The following MRM1 variants were observed in gnomAD, a reference collection of about 807,000 sequenced individuals.
The protein encoded by MRM1 is rRNA methyltransferase 1, mitochondrial.
Under a neutral mutation model 25.0 loss-of-function variants are expected in MRM1, and 24 were observed. The ratio of observed to expected loss-of-function variants is 0.96; its 90% CI spans 0.69 to 1.35. The LOEUF (loss-of-function observed/expected upper bound fraction) is 1.35. MRM1 is among the 40% of genes most tolerant of loss of function. The pLI is 0.00. For synonymous variants in MRM1, 188 were observed against 199.2 expected (o/e 0.94, Z 0.47); for missense variants, 431 against 464.1 (o/e 0.93, Z 0.65).
chr17:36,613,325 A>G (rs796319798), downstream of MRM1, among the ~76,000 whole-genome samples: 21 of 152,268 alleles, frequency 1.4e-4, no homozygotes, highest in African/African-American at 5.1e-4. Flanking sequence ...GGATCCCCAC[A>G]GTTTGTAAAT....
the MRM1 span, among the ~76,000 whole-genome samples, chr17:36,632,759 G>T: frequency 4.6e-5 from 7 of 152,154 alleles, no homozygotes; most frequent in Admixed American, 3.9e-4. Flanking sequence ...GACGAAAAGA[G>T]CTTTTCTGGC....
Position 36,608,347 on chromosome 17 carries a change from G to GGGCTCAGCAT in MRM1, c.1004_1013dup (p.Pro339GlyfsTer17). ...CCAAGAACCCTCAGCCAGGTCTGAA[G>GGGCTCAGCAT]GGCTCAGCATGGCTCAGCACCCAGG... On this transcript the variant is annotated frameshift_variant, in exon 5 of 5. Coordinates refer to ENST00000614766, the MANE Select transcript of MRM1 (RefSeq NM_024864.5). LOFTEE classifies it low-confidence loss of function (END_TRUNC). 6.2e-7 allele frequency: 1 copy of GGGCTCAGCAT among 1,611,536 alleles called. No homozygotes were observed. Among genetic ancestry groups the GGGCTCAGCAT allele is most frequent in the Non-Finnish European group, 8.5e-7 (1 of 1,178,864 alleles).
At chr17:36,626,977 C>T in the MRM1 span, among the ~76,000 whole-genome samples, 1 of 152,248 alleles carries the variant, frequency 6.6e-6, no homozygotes, top group South Asian at 2.1e-4. Flanking sequence ...CAAATCCCCA[C>T]ATGCTGCGCA....
the MRM1 span, among the ~76,000 whole-genome samples, chr17:36,614,221 G>A: frequency 6.6e-6 from 1 of 152,068 alleles, no homozygotes; most frequent in Non-Finnish European, 1.5e-5. Flanking sequence ...GCTGCGTAGG[G>A]GGAGGTGTCA....
chr17:36,614,243 C>T, the MRM1 span, among the ~76,000 whole-genome samples: 2 of 152,056 alleles, frequency 1.3e-5, no homozygotes, highest in East Asian at 1.9e-4. Context: ...ATTGGAATCA[C>T]TCCTGGGTCT....
chr17:36,622,209 G>T, the MRM1 span, among the ~76,000 whole-genome samples: 3 of 152,146 alleles, frequency 2.0e-5, no homozygotes, highest in Non-Finnish European at 2.9e-5. Flanking sequence ...GCCCCCTCCT[G>T]TCCCTATGGA....
At chr17:36,607,359 G>A (rs1408567535) in intron 2 of MRM1, among the ~76,000 whole-genome samples, 1 of 152,042 alleles carries the variant, frequency 6.6e-6, no homozygotes, top group Non-Finnish European at 1.5e-5. Flanking sequence ...GGTGGCTGAC[G>A]CTTGTAATCC....
At chr17:36,624,432 G>T in the MRM1 span, among the ~76,000 whole-genome samples, 2 of 152,224 alleles carry the variant, frequency 1.3e-5, no homozygotes, top group African/African-American at 4.8e-5. The surrounding 1 kb of genome is among the most constrained non-coding windows in gnomAD (Gnocchi z 4.0). Flanking sequence ...TTGGCCACAG[G>T]ATGGAGACTC....
rs1159156490 is a variant in MRM1 at position 36,602,850 on chromosome 17, C to A, written c.636+204C>A. On this transcript the variant is annotated intron_variant, in intron 2 of 4. Coordinates refer to ENST00000614766, the MANE Select transcript of MRM1 (RefSeq NM_024864.5). This position sits in a 1 kb window ranked among gnomAD's most constrained non-coding sequence, Gnocchi z 4.1. ...AGCTGAATTCTTCCTAGCGTTATAC[C>A]CTTTCCTGCACCCCTTCCCCAGGTA... is the stretch of plus-strand genomic sequence containing the variant. The A allele has an allele frequency of 2.4e-6, 2 of 825,564 alleles. No individual in the cohort carries two copies. The highest frequency in any genetic ancestry group is 1.5e-6 in the Non-Finnish European group (1 of 684,406). The allele number at this position is 825,564 out of a possible 1,614,324, so 51.1% of individuals were successfully genotyped here.
Position 36,607,700 on chromosome 17 carries a change from G to T in MRM1, c.667G>T (p.Gly223Cys). Residue 223 changes from glycine (G) to cysteine (C), a missense_variant, in exon 3 of 5, where the codon GGC becomes TGC. Coordinates refer to ENST00000614766, the MANE Select transcript of MRM1 (RefSeq NM_024864.5). ...AGCCCAGCAGGGCTGGCTCGTGGCC[G>T]GCACGGTGGGCTGCCCAAGCACAGA... ...TKAQQGWLVAGTVGCPSTEDP... is the reference protein window; with the variant it reads ...TKAQQGWLVACTVGCPSTEDP... 2 of 1,614,072 alleles carry T rather than the reference G, an allele frequency of 1.2e-6. No individual in the cohort carries two copies. Among genetic ancestry groups the T allele is most frequent in the South Asian group, 1.1e-5 (1 of 91,076 alleles).
At chr17:36,632,330 G>A in the MRM1 span, among the ~76,000 whole-genome samples, 5 of 152,080 alleles carry the variant, frequency 3.3e-5, no homozygotes, top group East Asian at 1.9e-4. Flanking sequence ...GCCAGCTCCC[G>A]GCCATATACC....
In MRM1 at chr17:36,607,678, C is replaced by A; in HGVS notation, c.645C>A (p.Ala215=). The A allele has an allele frequency of 6.2e-7, 1 of 1,613,168 alleles. No individual in the cohort carries two copies. Among genetic ancestry groups the A allele is most frequent in the Middle Eastern group, 1.7e-4 (1 of 6,052 alleles). The change falls in exon 3 of 5, where the codon GCC becomes GCA. Residue 215 remains alanine (A), a synonymous_variant. Coordinates refer to ENST00000614766, the MANE Select transcript of MRM1 (RefSeq NM_024864.5). The part of the protein sequence containing the change: ...DDLTGFLQTK[A]QQGWLVAGTV... Reference sequence around the variant, plus strand: ...CTTCTTCCCCCTTTCAGACCAAAGCCCAGCAGGGCTGGCTCGTGGCCGGCA... The same window carrying A: ...CTTCTTCCCCCTTTCAGACCAAAGCACAGCAGGGCTGGCTCGTGGCCGGCA...
intron 2 of MRM1, among the ~76,000 whole-genome samples, chr17:36,607,008 G>C (rs552416184): frequency 2.0e-5 from 3 of 151,014 alleles, no homozygotes; most frequent in Non-Finnish European, 4.4e-5. Context: ...TCTGCCTCCC[G>C]AGTTCAAGCG....
chr17:36,625,842 T>A, the MRM1 span, among the ~76,000 whole-genome samples: 1 of 152,040 alleles, frequency 6.6e-6, no homozygotes, highest in East Asian at 1.9e-4. Context: ...CACCTGACAA[T>A]CTGTAGGCTT....
the MRM1 span, among the ~76,000 whole-genome samples, chr17:36,632,982 G>T: frequency 6.6e-6 from 1 of 152,164 alleles, no homozygotes; most frequent in Non-Finnish European, 1.5e-5. Flanking sequence ...AAACGGAAAG[G>T]GCGTTGTTCC....
the MRM1 span, among the ~76,000 whole-genome samples, chr17:36,619,834 T>G: frequency 5.9e-5 from 9 of 152,200 alleles, no homozygotes; most frequent in Non-Finnish European, 1.5e-5. Flanking sequence ...GGGTTCCAGT[T>G]TCTCCACATC....
chr17:36,631,453 G>A, the MRM1 span, among the ~76,000 whole-genome samples: 3 of 152,234 alleles, frequency 2.0e-5, no homozygotes, highest in African/African-American at 7.2e-5. Flanking sequence ...TTTCCTGCGG[G>A]TTTGTGTCCC....
At position 36,608,007 on chromosome 17, in the gene MRM1, CTG is replaced by C; in HGVS notation, c.881_882del (p.Val294GlyfsTer37). 1 of 1,614,158 alleles carries C rather than the reference CTG, an allele frequency of 6.2e-7. No individual in the cohort carries two copies. Among genetic ancestry groups the C allele is most frequent in the Non-Finnish European group, 8.5e-7 (1 of 1,180,034 alleles). On this transcript the variant is annotated frameshift_variant, in exon 4 of 5. Transcript: ENST00000614766. LOFTEE classifies it low-confidence loss of function (END_TRUNC). ...CCTGGACTTGAGTCCTTGAACGTCTCTGTGGCTGCAGGTGAGTCTACTCCCCT... is the reference window on the plus strand; with the variant it reads ...CCTGGACTTGAGTCCTTGAACGTCTCTGGCTGCAGGTGAGTCTACTCCCCT...
the MRM1 span, among the ~76,000 whole-genome samples, chr17:36,631,450 C>T: frequency 2.6e-5 from 4 of 152,210 alleles, no homozygotes; most frequent in Admixed American, 2.0e-4. Flanking sequence ...ATCTTTCCTG[C>T]GGGTTTGTGT....
Sources: allele counts gnomAD v4.1 joint callset (sites outside exome capture counted in the v4.1 genomes callset), GRCh38; gene constraint gnomAD v4.1.1; non-coding constraint Gnocchi (gnomAD v3.1); transcripts MANE v1.5; gene names NCBI Gene and HGNC (gene_info 2026-07-23, HGNC 2026-07-21).